Variants in SLC7A6OS observed in about 807,000 individuals in gnomAD.
SLC7A6OS encodes probable RNA polymerase II nuclear localization protein SLC7A6OS.
Under a neutral mutation model 34.3 loss-of-function variants are expected in SLC7A6OS, and 22 were observed. The ratio of observed to expected loss-of-function variants is 0.64; its 90% confidence interval spans 0.46 to 0.92. The LOEUF (loss-of-function observed/expected upper bound fraction) is 0.92, where lower values mean the gene tolerates loss of function less well. Ranked by LOEUF, SLC7A6OS falls within the 40% of genes least tolerant of loss-of-function variation. SLC7A6OS has a pLI of 0.00. For synonymous variants in SLC7A6OS, 199 were observed against 165.0 expected, an observed-to-expected ratio of 1.21 and a Z score of -1.58; for missense variants, 434 against 407.7, an observed-to-expected ratio of 1.06 and a Z score of -0.56.
At chr16:68,310,186 G>T in intron 2 of SLC7A6OS, 149 bp downstream of exon 2, 2 of 888,838 alleles carry the variant, frequency 2.3e-6, no homozygotes, top group Non-Finnish European at 1.7e-6. Flanking sequence ...GTAAACACAT[G>T]TTGGATGAAC....
intron 2 of SLC7A6OS, among the ~76,000 whole-genome samples, chr16:68,306,137 T>C (rs1034682059): frequency 1.3e-5 from 2 of 152,246 alleles, no homozygotes; most frequent in Non-Finnish European, 2.9e-5. Context: ...AGTTCTATTC[T>C]ACCTACTTTT....
rs150093148 is a variant in SLC7A6OS, at chr16:68,304,965, G to T, written c.472-733C>A. ...GTACTCAGGAGGTTGAGGCTGCAGT[G>T]AGCCGTGATCATGCCACTGTACTCT... On this transcript the variant is annotated intron_variant, in intron 2 of 4. Coordinates refer to ENST00000263997, the MANE Select transcript of SLC7A6OS (RefSeq NM_032178.3). Among the ~76,000 whole-genome samples the T allele has an allele frequency of 6.0e-3, 906 of 152,222 alleles. 9 individuals carry two copies. The highest frequency in any genetic ancestry group is 7.8e-3 in the Non-Finnish European group (531 of 67,996).
At chr16:68,302,150 G>A (rs2043287125) in intron 4 of SLC7A6OS, 3 of 524,606 alleles carry the variant, frequency 5.7e-6, no homozygotes, top group South Asian at 5.0e-5. Context: ...AAGAGCCACA[G>A]CAAAGTAATG....
chr16:68,302,913 T>G (rs1252308592), intron 3 of SLC7A6OS, among the ~76,000 whole-genome samples: 1 of 152,232 alleles, frequency 6.6e-6, no homozygotes, highest in Non-Finnish European at 1.5e-5. Flanking sequence ...GCTTCTTGAT[T>G]ATAGTCTGAG....
rs2043254598 is a variant in SLC7A6OS at position 68,300,703 on chromosome 16, G to C, written c.*572C>G. ...CCCCACTGCCAAAGGAAGTCAGTCA[G>C]TAATTTCACAACCGTTATCAGAGTT... On this transcript the variant is annotated 3_prime_UTR_variant, in exon 5 of 5. Transcript: ENST00000263997. 4 of 985,480 alleles carry C rather than the reference G, an allele frequency of 4.1e-6. No individual in the cohort carries two copies. The highest frequency in any genetic ancestry group is 9.4e-5 in the South Asian group (2 of 21,288). The allele number at this position is 985,480 out of a possible 1,614,324, so 61.0% of individuals were successfully genotyped here.
chr16:68,302,495 C>G lies in SLC7A6OS; in HGVS notation c.685G>C (p.Asp229His). 6.2e-7 allele frequency: 1 copy of G among 1,614,172 alleles called. No homozygotes were observed. The highest frequency in any genetic ancestry group is 8.5e-7 in the Non-Finnish European group (1 of 1,180,038). Residue 229 changes from aspartate (D) to histidine (H), a missense_variant, in exon 4 of 5, where the codon GAT becomes CAT. Asp to His is a moderately conservative substitution (Grantham distance 81). Coordinates refer to ENST00000263997, the MANE Select transcript of SLC7A6OS (RefSeq NM_032178.3). ...PYSQEWELVN[D>H]DQEPEDIYDD... is the part of the protein sequence containing the mutation. ...TAAATGTCCTCTGGTTCTTGATCAT[C>G]ATTCACCTACACATCTCAACACAAA...
At chr16:68,310,288 A>C (rs1357365820) in intron 2 of SLC7A6OS, 47 bp downstream of exon 2, 6 of 1,525,596 alleles carry the variant, frequency 3.9e-6, no homozygotes, top group Non-Finnish European at 5.3e-6. Flanking sequence ...GTCTTCTTGC[A>C]TTACCATCCT....
rs543519497 is a variant in SLC7A6OS, at chr16:68,304,006, C to G, written c.678+20G>C. ...GAGCTTAGGATGCCTCATGCCCCGT[C>G]TGCTCATGGGCCCCCTTACCAGCTC... On this transcript the variant is annotated intron_variant, in intron 3 of 4. Coordinates refer to ENST00000263997, the MANE Select transcript of SLC7A6OS (RefSeq NM_032178.3). 3 of 1,609,474 alleles carry G rather than the reference C, an allele frequency of 1.9e-6. No individual in the cohort carries two copies. Among genetic ancestry groups the G allele is most frequent in the South Asian group, 2.2e-5 (2 of 90,940 alleles).
chr16:68,302,991 C>G (rs369386970), intron 3 of SLC7A6OS, among the ~76,000 whole-genome samples: 9 of 152,206 alleles, frequency 5.9e-5, no homozygotes, highest in African/African-American at 1.7e-4. Context: ...AGGCTGGGCG[C>G]GGTGGCTCAC....
intron 2 of SLC7A6OS, among the ~76,000 whole-genome samples, chr16:68,305,655 C>A (rs2043321351): frequency 6.6e-6 from 1 of 152,170 alleles, no homozygotes; most frequent in African/African-American, 2.4e-5. Context: ...CAAAAAGAAG[C>A]TAGAGATGCC....
intron 3 of SLC7A6OS, 108 bp downstream of exon 3, chr16:68,303,918 G>T: frequency 9.9e-7 from 1 of 1,006,684 alleles, no homozygotes; most frequent in South Asian, 1.5e-5. Context: ...AGGAGGAAAA[G>T]AACTAAGGAC....
At chr16:68,302,626 T>G in intron 3 of SLC7A6OS, 125 bp from the exon 4 acceptor site, 1 of 1,077,372 alleles carries the variant, frequency 9.3e-7, no homozygotes, top group Non-Finnish European at 1.4e-6. Flanking sequence ...AACTGCAGAC[T>G]AGTAGTTTGA....
chr16:68,304,644 AAGATTCTTATCCCC>A (rs2043313767), intron 2 of SLC7A6OS, among the ~76,000 whole-genome samples: 1 of 152,184 alleles, frequency 6.6e-6, no homozygotes, highest in Non-Finnish European at 1.5e-5. Flanking sequence ...TGTTGTGGTC[AAGATTCTTATCCCC>A]ATGAATTCCT....
rs1011030241 is a variant in SLC7A6OS at position 68,299,137 on chromosome 16, G to C, written c.*2138C>G. 6.6e-6 allele frequency: 1 copy of C among 152,634 alleles called. No homozygotes were observed. Among genetic ancestry groups the C allele is most frequent in the African/African-American group, 2.4e-5 (1 of 41,420 alleles). The allele number at this position is 152,634 out of a possible 1,614,324, so 9.5% of individuals were successfully genotyped here. On this transcript the variant is annotated 3_prime_UTR_variant, in exon 5 of 5. Transcript: ENST00000263997. ...CGACGACAGGGTGTCTTATGCAAAG[G>C]CTGACTTGCCTGAACGCTAAGAACA...
rs767939983 is a variant in SLC7A6OS at position 68,310,423 on chromosome 16, G to A, written c.383C>T (p.Pro128Leu). Residue 128 changes from proline (P) to leucine (L), a missense_variant, in exon 2 of 5, where the codon CCA (proline) becomes CTA (leucine). Physicochemically the swap from Pro to Leu is moderately conservative, Grantham distance 98 (BLOSUM62 -3). Coordinates refer to ENST00000263997, the MANE Select transcript of SLC7A6OS (RefSeq NM_032178.3). ...AAAGCCCGAGTTCCCGGCGGCTTCTGGGTTCCCCGGCGTGTACTCGGACTC... is the reference window on the plus strand; with the variant it reads ...AAAGCCCGAGTTCCCGGCGGCTTCTAGGTTCCCCGGCGTGTACTCGGACTC... ...GQESEYTPGN[P>L]EAAGNSGFQL... The A allele has an allele frequency of 1.4e-5, 22 of 1,609,320 alleles. No homozygotes were observed. The East Asian group carries it at 4.9e-4, about 36-fold the overall frequency.
rs574321035 is a variant in SLC7A6OS, at chr16:68,310,595, G to T, written c.211C>A (p.Leu71Ile). ...VCSQEEPVQPLLREVLRPSRD... is the reference protein window; with the variant it reads ...VCSQEEPVQPILREVLRPSRD... ...GACGGGCGCAGAACTTCCCGCAGGA[G>T]AGGCTGGACTGGTTCCTCCTAGGGG... The change falls in exon 2 of 5, where the codon CTC becomes ATC. Residue 71 changes from leucine (L) to isoleucine (I), a missense_variant. Transcript: ENST00000263997. The T allele has an allele frequency of 6.3e-7, 1 of 1,597,046 alleles. No homozygotes were observed. The highest frequency in any genetic ancestry group is 1.3e-5 in the African/African-American group (1 of 74,616).
Position 68,310,376 on chromosome 16 carries a change from C to A in SLC7A6OS, c.430G>T (p.Glu144Ter). The A allele has an allele frequency of 6.2e-7, 1 of 1,610,516 alleles. No homozygotes were observed. Among genetic ancestry groups the A allele is most frequent in the Non-Finnish European group, 8.5e-7 (1 of 1,177,672 alleles). ...GAGGCGGCTTCAGGTTCTCCCTCCTCGTGGACAAGGTCTAACAACTGAAAG... is the reference window on the plus strand; with the variant it reads ...GAGGCGGCTTCAGGTTCTCCCTCCTAGTGGACAAGGTCTAACAACTGAAAG... Reference protein sequence around the residue: ...SGFQLLDLVHEEGEPEAASAG... With the variant: ...SGFQLLDLVH The change falls in exon 2 of 5, where the codon GAG becomes TAG. Residue 144 changes from glutamate (E) to a stop codon, truncating the protein, a stop_gained. Transcript: ENST00000263997. LOFTEE classifies it high-confidence loss of function.
rs2043260526 is a variant in SLC7A6OS at position 68,300,940 on chromosome 16, CCCTT to C, written c.*331_*334del. ...GCTAATGAAATGGGAACCTCCCCCTCCCTTGTGGTTTCAGCACAGAACCTGAATG... is the reference window on the plus strand; with the variant it reads ...GCTAATGAAATGGGAACCTCCCCCTCGTGGTTTCAGCACAGAACCTGAATG... On this transcript the variant is annotated 3_prime_UTR_variant, in exon 5 of 5. Transcript: ENST00000263997. The C allele has an allele frequency of 3.0e-6, 3 of 1,009,822 alleles. No individual in the cohort carries two copies. Among genetic ancestry groups the C allele is most frequent in the South Asian group, 4.4e-5 (1 of 22,620 alleles). 62.6% of individuals were successfully genotyped at this position (1,009,822 alleles called of 1,614,324 possible). A position where few individuals can be genotyped will look rare whatever the true frequency, so the allele number is the denominator to read the frequency against.
Position 68,300,421 on chromosome 16 carries a change from A to ATAG in SLC7A6OS, c.*851_*853dup. The ATAG allele has an allele frequency of 2.5e-5, 4 of 160,036 alleles. 1 individual carries two copies. In the Admixed American group the frequency reaches 2.6e-4, roughly 10 times the overall value. The allele number at this position is 160,036 out of a possible 1,614,324, so 9.9% of individuals were successfully genotyped here. A position where few individuals can be genotyped will look rare whatever the true frequency, so the allele number is the denominator to read the frequency against. On this transcript the variant is annotated 3_prime_UTR_variant, in exon 5 of 5. Coordinates refer to ENST00000263997, the MANE Select transcript of SLC7A6OS (RefSeq NM_032178.3). ...GTTGTTAATAAAATTGATCCTGTTG[A>ATAG]TAGTAGTTTGTTTTTGTGGTGGGTG...
Sources: gnomAD v4.1 joint callset for allele counts (sites outside exome capture counted in the v4.1 genomes callset) on GRCh38, gnomAD v4.1.1 for gene constraint, MANE v1.5 for transcripts, NCBI Gene and HGNC (gene_info 2026-07-23, HGNC 2026-07-21) for gene names.